FBXL4: variants seen among roughly 807,000 people sequenced by gnomAD.
The protein encoded by FBXL4 is F-box and leucine rich repeat protein 4.
FBXL4 carries 40 observed loss-of-function variants against 58.9 expected under a neutral mutation model. The observed-to-expected ratio is 0.68, with a 90% CI of 0.53 to 0.88. The LOEUF (loss-of-function observed/expected upper bound fraction) is 0.88, where lower values mean the gene tolerates loss of function less well. FBXL4 is among the 40% of genes least tolerant of loss of function. FBXL4 has a pLI of 0.00. For synonymous variants in FBXL4, 263 were observed against 265.5 expected (o/e 0.99, Z 0.09); for missense variants, 676 against 734.4 (o/e 0.92, Z 0.92).
chr6:98,947,408 C>T (rs1185850823), intron 1 of FBXL4, among the ~76,000 whole-genome samples: 1 of 152,238 alleles, frequency 6.6e-6, no homozygotes, highest in Non-Finnish European at 1.5e-5. Context: ...GCAGCAGGCA[C>T]AGGAATCACA....
chr6:98,935,518 G>A (rs569613106), intron 1 of FBXL4, among the ~76,000 whole-genome samples: 14 of 152,110 alleles, frequency 9.2e-5, no homozygotes, highest in Admixed American at 2.6e-4. Context: ...GGCCGGGCGC[G>A]GTGGCTCACG....
intron 5 of FBXL4, among the ~76,000 whole-genome samples, chr6:98,910,737 C>T (rs1772014126): frequency 6.6e-6 from 1 of 152,104 alleles, no homozygotes; most frequent in Non-Finnish European, 1.5e-5. Flanking sequence ...TCTATAGGTC[C>T]CAGCGTGAGC....
intron 4 of FBXL4, 103 bp downstream of exon 4, chr6:98,926,374 A>G (rs1413132220): frequency 2.4e-6 from 3 of 1,260,356 alleles, no homozygotes; most frequent in Non-Finnish European, 3.3e-6. Flanking sequence ...AATCAAATTC[A>G]ATTAAGTTAC....
chr6:98,924,852 T>C (rs1315099880), intron 4 of FBXL4, among the ~76,000 whole-genome samples: 1 of 152,198 alleles, frequency 6.6e-6, no homozygotes, highest in Non-Finnish European at 1.5e-5. Flanking sequence ...GCCCGCCTCC[T>C]CCTGCACTGG....
chr6:98,940,165 T>C (rs968532082), intron 1 of FBXL4, among the ~76,000 whole-genome samples: 2 of 152,236 alleles, frequency 1.3e-5, no homozygotes, highest in Non-Finnish European at 2.9e-5. Flanking sequence ...AGTATCTACA[T>C]ATATTTTATT....
At chr6:98,927,506 C>T (rs913326666) in intron 3 of FBXL4, among the ~76,000 whole-genome samples, 199 bp downstream of exon 3, 3 of 152,208 alleles carry the variant, frequency 2.0e-5, no homozygotes, top group African/African-American at 4.8e-5. Context: ...CTCTTTCAAA[C>T]ATACAGAATT....
chr6:98,923,640 C>A (rs1397505366), intron 4 of FBXL4, among the ~76,000 whole-genome samples: 1 of 152,160 alleles, frequency 6.6e-6, no homozygotes, highest in Non-Finnish European at 1.5e-5. Flanking sequence ...CTCCCCTCTG[C>A]CAATACATGT....
intron 6 of FBXL4, among the ~76,000 whole-genome samples, chr6:98,903,270 T>C (rs1311120629): frequency 6.6e-6 from 1 of 152,114 alleles, no homozygotes; most frequent in Non-Finnish European, 1.5e-5. Context: ...CAAGCCATAA[T>C]AACTATCAAT....
intron 8 of FBXL4, among the ~76,000 whole-genome samples, chr6:98,877,966 A>G (rs1412767729): frequency 6.6e-6 from 1 of 152,218 alleles, no homozygotes; most frequent in East Asian, 1.9e-4. Flanking sequence ...ATTCAGGTTT[A>G]TTACAGGTGA....
In FBXL4 at chr6:98,870,134, A is replaced by T. The variant is rs891040408; in HGVS notation, c.*4144T>A. The T allele has an allele frequency of 1.3e-5, 2 of 152,216 alleles. No homozygotes were observed. Among genetic ancestry groups the T allele is most frequent in the African/African-American group, 2.4e-5 (1 of 41,472 alleles). The allele number at this position is 152,216 out of a possible 1,614,324, so 9.4% of individuals were successfully genotyped here. A position where few individuals can be genotyped will look rare whatever the true frequency, so the allele number is the denominator to read the frequency against. ...TAAACATTTTGTTTTTTCTAACAAA[A>T]CACTGCTCTTCATTTTAAAATCTAA... On this transcript the variant is annotated 3_prime_UTR_variant, in exon 10 of 10. Coordinates refer to ENST00000369244, the MANE Select transcript of FBXL4 (RefSeq NM_001278716.2).
chr6:98,918,242 T>G (rs762808178), intron 4 of FBXL4, among the ~76,000 whole-genome samples: 5 of 152,194 alleles, frequency 3.3e-5, no homozygotes, highest in Non-Finnish European at 5.9e-5. Context: ...CTGTTTCTTG[T>G]ATATGCCCTT....
chr6:98,874,497 A>G, intron 9 of FBXL4, 56 bp from the exon 10 acceptor site: 1 of 1,521,842 alleles, frequency 6.6e-7, no homozygotes, highest in Non-Finnish European at 8.9e-7. Flanking sequence ...TAACATTTAT[A>G]TAATGTGCTA....
intron 7 of FBXL4, among the ~76,000 whole-genome samples, chr6:98,883,893 T>C (rs969366174): frequency 4.0e-5 from 6 of 151,650 alleles, no homozygotes; most frequent in African/African-American, 1.5e-4. Flanking sequence ...CATGTGAACT[T>C]TAGAATCACC....
In FBXL4 at chr6:98,891,630, T is replaced by TA. The variant is rs560216664; in HGVS notation, c.1317+7637dup. 8.1e-5 allele frequency among the ~76,000 whole-genome samples: 12 copies of TA among 148,284 alleles called. 1 individual carries two copies. Among genetic ancestry groups the TA allele is most frequent in the Admixed American group, 4.1e-4 (6 of 14,616 alleles). On this transcript the variant is annotated intron_variant, in intron 7 of 9. Coordinates refer to ENST00000369244, the MANE Select transcript of FBXL4 (RefSeq NM_001278716.2). ...GGCTGGATGTGGTGGCTCATGCATATAATCCAAGCACTTGAAGGCTGAGGC... is the reference window on the plus strand; with the variant it reads ...GGCTGGATGTGGTGGCTCATGCATATAAATCCAAGCACTTGAAGGCTGAGGC...
intron 4 of FBXL4, among the ~76,000 whole-genome samples, chr6:98,925,418 A>T (rs1275791008): frequency 2.0e-5 from 3 of 152,246 alleles, no homozygotes; most frequent in Non-Finnish European, 4.4e-5. Flanking sequence ...GCAAAAAAAA[A>T]ATGTTAAACA....
intron 8 of FBXL4, among the ~76,000 whole-genome samples, chr6:98,880,152 T>C (rs1770799907): frequency 6.6e-6 from 1 of 152,088 alleles, no homozygotes; most frequent in African/African-American, 2.4e-5. Flanking sequence ...CTATTATCAT[T>C]AAAATTTCAA....
intron 6 of FBXL4, among the ~76,000 whole-genome samples, chr6:98,900,489 T>A (rs1291124524): frequency 6.6e-6 from 1 of 152,176 alleles, no homozygotes. Context: ...AAGATGGAGT[T>A]TTTTGCATTG....
intron 7 of FBXL4, among the ~76,000 whole-genome samples, chr6:98,881,823 T>C (rs1018814912): frequency 1.3e-5 from 2 of 152,078 alleles, no homozygotes; most frequent in Admixed American, 6.6e-5. Flanking sequence ...CATGTAGCTC[T>C]CAGAATGTTA....
chr6:98,899,485 C>T lies in FBXL4; in HGVS notation c.1104-4G>A, dbSNP rs370992555. ...GGATCCACAAACCTTCAGAAACCTG[C>T]CAAAACAACATTCTATGTGAATTTT... On this transcript the variant is annotated splice_region_variant and splice_polypyrimidine_tract_variant and intron_variant, in intron 6 of 9. Transcript: ENST00000369244. 4 of 1,608,794 alleles carry T rather than the reference C, an allele frequency of 2.5e-6. No homozygotes were observed. The East Asian group carries it at 8.9e-5, about 36-fold the overall frequency.
Sources: allele counts gnomAD v4.1 joint callset (sites outside exome capture counted in the v4.1 genomes callset), GRCh38; gene constraint gnomAD v4.1.1; transcripts MANE v1.5; gene names NCBI Gene and HGNC (gene_info 2026-07-23, HGNC 2026-07-21).